The following FOXP2 variants were observed in gnomAD, a reference collection of about 807,000 sequenced individuals.
FOXP2 encodes the protein forkhead box P2.
A neutral mutation model predicts 115.8 loss-of-function variants in FOXP2; 12 were observed. The observed-to-expected ratio is 0.10, with a 90% confidence interval of 0.07 to 0.17. FOXP2 has a LOEUF of 0.17. Among genes scored for constraint, FOXP2 ranks in the 10% least tolerant of loss-of-function variants. The pLI is 1.00. For synonymous variants in FOXP2, 328 were observed against 297.7 expected, an observed-to-expected ratio of 1.10 and a Z score of -1.05; for missense variants, 629 against 843.5, an observed-to-expected ratio of 0.75 and a Z score of 3.15.
At position 114,385,273 on chromosome 7, in the gene FOXP2, A is replaced by G. The variant is rs182577969; in HGVS notation, c.-10-41229A>G. 1.3e-4 allele frequency among the ~76,000 whole-genome samples: 20 copies of G among 152,278 alleles called. No individual in the cohort carries two copies. In the East Asian group the frequency reaches 3.9e-3, roughly 29 times the overall value. ...GAGATACAACTTGCTAGAGGAAATG[A>G]AAGTCTGAACCATTAGTACCTAGGA... is the stretch of plus-strand genomic sequence containing the variant. On this transcript the variant is annotated intron_variant, in intron 2 of 17. Coordinates refer to the FOXP2 transcript ENST00000634411.
In FOXP2 at chr7:114,691,929, C is replaced by CAAAAAAAAAAAAAAAAAAAAAAAAA; in HGVS notation, c.*2016_*2017insAAAAAAAAAAAAAAAAAAAAAAAAA. ...GGCTTTCTGAAAGCTTCTACCTCTG[C>CAAAAAAAAAAAAAAAAAAAAAAAAA]AAAAAAAAAAAAAGAAAAAAAAAAA... On this transcript the variant is annotated 3_prime_UTR_variant, in exon 17 of 17. Coordinates refer to ENST00000350908, the MANE Select transcript of FOXP2 (RefSeq NM_014491.4). 8.0e-6 allele frequency: 2 copies of CAAAAAAAAAAAAAAAAAAAAAAAAA among 250,940 alleles called. No homozygotes were observed. Among genetic ancestry groups the CAAAAAAAAAAAAAAAAAAAAAAAAA allele is most frequent in the Non-Finnish European group, 1.4e-5 (2 of 138,918 alleles). 15.5% of individuals were successfully genotyped at this position (250,940 alleles called of 1,614,324 possible). A position where few individuals can be genotyped will look rare whatever the true frequency, so the allele number is the denominator to read the frequency against.
At chr7:114,361,456 A>G (rs1432014561) in intron 2 of FOXP2, among the ~76,000 whole-genome samples, 2 of 152,098 alleles carry the variant, frequency 1.3e-5, no homozygotes, top group Non-Finnish European at 2.9e-5. Context: ...ATAGTCAGAA[A>G]GAGACTATAT....
intron 2 of FOXP2, among the ~76,000 whole-genome samples, chr7:114,348,032 C>T (rs1791389103): frequency 6.6e-6 from 1 of 151,912 alleles, no homozygotes. Flanking sequence ...TATAATATGC[C>T]TTTACTATTT....
chr7:114,268,890 T>C (rs1367678818), intron 1 of FOXP2, among the ~76,000 whole-genome samples: 1 of 152,198 alleles, frequency 6.6e-6, no homozygotes, highest in Non-Finnish European at 1.5e-5. Context: ...GAAAATATTG[T>C]CCTTATTTTG....
chr7:114,507,742 A>G (rs11767144), intron 2 of FOXP2, among the ~76,000 whole-genome samples: 13,008 of 151,962 alleles, frequency 0.086, 622 homozygotes, highest in Middle Eastern at 0.16. Context: ...AAGGAAAGCA[A>G]ACTCCCCTGT....
At chr7:114,601,549 T>G (rs1249409048) in intron 3 of FOXP2, among the ~76,000 whole-genome samples, 1 of 152,146 alleles carries the variant, frequency 6.6e-6, no homozygotes, top group Non-Finnish European at 1.5e-5. Context: ...TACTGTTCCT[T>G]TTTAAACCTA....
chr7:114,471,239 A>G (rs78575500), intron 2 of FOXP2, among the ~76,000 whole-genome samples: 1,691 of 152,300 alleles, frequency 0.011, 16 homozygotes, highest in Middle Eastern at 0.031. Context: ...TATTATTGTC[A>G]TAAATTATGA....
At chr7:114,100,185 C>T (rs1275211229) in intron 1 of FOXP2, among the ~76,000 whole-genome samples, 1 of 152,100 alleles carries the variant, frequency 6.6e-6, no homozygotes. Context: ...TTTGTATTTA[C>T]ACAGGATGTT....
intron 1 of FOXP2, among the ~76,000 whole-genome samples, chr7:114,108,163 G>A (rs1042757035): frequency 1.3e-5 from 2 of 151,882 alleles, no homozygotes; most frequent in Non-Finnish European, 2.9e-5. Context: ...TATAAGTTTA[G>A]CACTGTAATG....
intron 1 of FOXP2, among the ~76,000 whole-genome samples, chr7:114,231,126 C>T (rs1376957086): frequency 3.3e-5 from 5 of 151,824 alleles, no homozygotes. Flanking sequence ...ATTATGAAAA[C>T]AATATCATTT....
intron 2 of FOXP2, among the ~76,000 whole-genome samples, chr7:114,380,571 C>T (rs905418736): frequency 6.6e-6 from 1 of 152,190 alleles, no homozygotes; most frequent in Non-Finnish European, 1.5e-5. Flanking sequence ...TTGACAGTTC[C>T]GTTCTATCTT....
chr7:114,142,607 A>T (rs1792249096), intron 1 of FOXP2, among the ~76,000 whole-genome samples: 1 of 151,842 alleles, frequency 6.6e-6, no homozygotes, highest in Non-Finnish European at 1.5e-5. Context: ...ATTGACTTAA[A>T]CTCTTCAAAA....
At chr7:114,178,242 C>G (rs114497873) in intron 1 of FOXP2, among the ~76,000 whole-genome samples, 177 of 152,024 alleles carry the variant, frequency 1.2e-3, no homozygotes, top group African/African-American at 4.2e-3. Flanking sequence ...GAAATGCACA[C>G]TCTGGAATCC....
intron 3 of FOXP2, among the ~76,000 whole-genome samples, chr7:114,538,061 A>T (rs1799482535): frequency 6.6e-6 from 1 of 151,676 alleles, no homozygotes; most frequent in African/African-American, 2.4e-5. Context: ...AGTGATCCAT[A>T]ATGAGGAAAG....
intron 1 of FOXP2, among the ~76,000 whole-genome samples, chr7:114,196,161 G>A (rs532462584): frequency 1.6e-4 from 25 of 152,000 alleles, no homozygotes; most frequent in South Asian, 6.2e-4. Context: ...TAGGGCGCGC[G>A]TCACCACGCC....
intron 3 of FOXP2, chr7:114,560,947 A>C (rs1165225211): frequency 6.6e-6 from 1 of 152,246 alleles, no homozygotes; most frequent in Non-Finnish European, 1.5e-5. Context: ...GGCAAAGCTA[A>C]GCAAAAATCT....
At chr7:114,503,508 A>G (rs771389053) in intron 2 of FOXP2, among the ~76,000 whole-genome samples, 1 of 151,348 alleles carries the variant, frequency 6.6e-6, no homozygotes, top group Non-Finnish European at 1.5e-5. Context: ...AAAGTAGCCT[A>G]TTTTTGGATA....
intron 2 of FOXP2, among the ~76,000 whole-genome samples, chr7:114,374,842 A>G (rs1196135416): frequency 6.6e-6 from 1 of 152,184 alleles, no homozygotes; most frequent in African/African-American, 2.4e-5. Flanking sequence ...AAGACTCTAT[A>G]TCTGATCTGC....
At chr7:114,679,126 G>T (rs907871086) in intron 16 of FOXP2, among the ~76,000 whole-genome samples, 3 of 151,906 alleles carry the variant, frequency 2.0e-5, no homozygotes, top group African/African-American at 4.8e-5. Context: ...CACCATGCCC[G>T]GCTAATTTTT....
Sources: gnomAD v4.1 joint callset for allele counts (sites outside exome capture counted in the v4.1 genomes callset) on GRCh38, gnomAD v4.1.1 for gene constraint, MANE v1.5 for transcripts, NCBI Gene and HGNC (gene_info 2026-07-23, HGNC 2026-07-21) for gene names.